Variants in CADM2 observed in about 807,000 individuals in gnomAD.
CADM2 encodes the protein immunoglobulin superfamily member 4D.
In CADM2, 12 loss-of-function variants were observed where a neutral mutation model predicts 49.8. The observed-to-expected ratio is 0.24, with a 90% CI of 0.15 to 0.39. The LOEUF (loss-of-function observed/expected upper bound fraction) is 0.39, where lower values mean the gene tolerates loss of function less well. Ranked by LOEUF, CADM2 falls within the 10% of genes least tolerant of loss-of-function variation. The pLI is 1.00. For synonymous variants in CADM2, 214 were observed against 175.4 expected (o/e 1.22, Z -1.74); for missense variants, 378 against 492.3 (o/e 0.77, Z 2.20).
intron 1 of CADM2, among the ~76,000 whole-genome samples, chr3:85,054,355 A>G (rs1271995832): frequency 1.3e-5 from 2 of 151,926 alleles, no homozygotes; most frequent in African/African-American, 4.8e-5. Context: ...TATAAGGCTT[A>G]TAGTAAATGA....
chr3:85,811,974 T>C (rs987731845), intron 3 of CADM2, among the ~76,000 whole-genome samples: 5 of 151,882 alleles, frequency 3.3e-5, no homozygotes, highest in South Asian at 2.1e-4. Flanking sequence ...GCATATTTGA[T>C]AGTTGAAAGA....
intron 1 of CADM2, among the ~76,000 whole-genome samples, chr3:85,552,366 G>GTGTTTTTTTTTT (rs2061828186): frequency 1.6e-4 from 14 of 87,576 alleles, no homozygotes; most frequent in Middle Eastern, 8.3e-3. Flanking sequence ...ACTTTGAAAA[G>GTGTTTTTTTTTT]TTTTTTTTTT....
chr3:85,107,703 CTTT>C (rs60535953), intron 1 of CADM2, among the ~76,000 whole-genome samples: 10 of 95,258 alleles, frequency 1.0e-4, no homozygotes, highest in Non-Finnish European at 1.9e-4. Context: ...CTTTCTCTTT[CTTT>C]TTTTTTTTTT....
At chr3:85,091,619 G>A (rs1401146294) in intron 1 of CADM2, among the ~76,000 whole-genome samples, 1 of 151,984 alleles carries the variant, frequency 6.6e-6, no homozygotes, top group East Asian at 1.9e-4. Flanking sequence ...TTAAAACTGA[G>A]CTGAACTAAG....
rs752550127 is a variant in CADM2, at chr3:85,897,241, C to CTTTTTTTTTTTTTTTT, written c.529+10938_529+10953dup. Among the ~76,000 whole-genome samples, 12 of 45,926 alleles carry CTTTTTTTTTTTTTTTT rather than the reference C, an allele frequency of 2.6e-4. 4 individuals carry two copies. Among genetic ancestry groups the CTTTTTTTTTTTTTTTT allele is most frequent in the African/African-American group, 5.4e-4 (8 of 14,948 alleles). 30.1% of individuals were successfully genotyped at this position (45,926 alleles called of 152,430 possible). ...CAACAATAATTGCTTTAACCTACATCTTTTTTTTTTTTTTTTTTTTTTTTT... is the reference window on the plus strand; with the variant it reads ...CAACAATAATTGCTTTAACCTACATCTTTTTTTTTTTTTTTTTTTTTTTTTTTTTTTTTTTTTTTTT... On this transcript the variant is annotated intron_variant, in intron 5 of 9. Coordinates refer to ENST00000383699, the MANE Select transcript of CADM2 (RefSeq NM_001167675.2).
intron 1 of CADM2, among the ~76,000 whole-genome samples, chr3:85,087,238 A>T (rs1022494377): frequency 2.0e-5 from 3 of 152,158 alleles, no homozygotes; most frequent in Non-Finnish European, 2.9e-5. Flanking sequence ...GGCTTTAGCT[A>T]CGTAATGCCA....
At chr3:85,412,202 G>A (rs2035686883) in intron 1 of CADM2, among the ~76,000 whole-genome samples, 1 of 152,114 alleles carries the variant, frequency 6.6e-6, no homozygotes, top group Admixed American at 6.5e-5. Context: ...TGGAAATGTG[G>A]ATCATGGGTA....
chr3:85,599,206 G>A (rs1297062049), intron 1 of CADM2, among the ~76,000 whole-genome samples: 3 of 151,896 alleles, frequency 2.0e-5, no homozygotes, highest in Non-Finnish European at 4.4e-5. Flanking sequence ...TTTACCCTTT[G>A]ATCGATACCT....
intron 1 of CADM2, among the ~76,000 whole-genome samples, chr3:85,372,839 C>T (rs2033349649): frequency 6.6e-6 from 1 of 152,058 alleles, no homozygotes; most frequent in Non-Finnish European, 1.5e-5. Flanking sequence ...GGGAATTGCC[C>T]TTCATAAAAC....
chr3:85,062,343 A>G (rs1466784998), intron 1 of CADM2, among the ~76,000 whole-genome samples: 2 of 152,112 alleles, frequency 1.3e-5, no homozygotes, highest in Non-Finnish European at 2.9e-5. Flanking sequence ...AAACAGATAA[A>G]TGAAAAACAA....
chr3:85,950,965 T>C (rs750442309), intron 7 of CADM2, among the ~76,000 whole-genome samples: 15 of 151,096 alleles, frequency 9.9e-5, no homozygotes, highest in Non-Finnish European at 2.2e-4. Context: ...TATTACTGCA[T>C]GAAAATGTCT....
intron 3 of CADM2, among the ~76,000 whole-genome samples, chr3:85,832,208 TG>T (rs2074217409): frequency 6.6e-6 from 1 of 152,040 alleles, no homozygotes; most frequent in Non-Finnish European, 1.5e-5. Flanking sequence ...TTTGCTGTTT[TG>T]GTTTCTGTAG....
chr3:85,210,834 C>T (rs1357379229), intron 1 of CADM2, among the ~76,000 whole-genome samples: 1 of 152,130 alleles, frequency 6.6e-6, no homozygotes, highest in East Asian at 1.9e-4. Flanking sequence ...AGGCACCACA[C>T]CAGCCAGAAT....
intron 8 of CADM2, among the ~76,000 whole-genome samples, chr3:86,021,146 TCCA>T (rs1559806171): frequency 6.6e-6 from 1 of 152,048 alleles, no homozygotes; most frequent in Non-Finnish European, 1.5e-5. Context: ...ATTACAGGCA[TCCA>T]CCACCACGCC....
intron 1 of CADM2, among the ~76,000 whole-genome samples, chr3:85,537,494 T>TTGTG (rs60728026): frequency 5.8e-5 from 5 of 85,578 alleles, no homozygotes; most frequent in Admixed American, 1.3e-4. Context: ...GCATGGTTGT[T>TTGTG]TGTGTGTGTG....
rs546817590 is a variant in CADM2, at chr3:85,425,711, G to A, written c.62-300811G>A. 7.2e-5 allele frequency among the ~76,000 whole-genome samples: 11 copies of A among 152,250 alleles called. No individual in the cohort carries two copies. In the South Asian group the frequency reaches 1.9e-3, roughly 26 times the overall value. On this transcript the variant is annotated intron_variant, in intron 1 of 9. Transcript: ENST00000383699. The stretch of plus-strand genomic sequence containing the variant: ...GTTGGGTTGATCAGATCCAACACCA[G>A]GTCTTGGGGGTGACAAAGTCCAGTG...
At chr3:86,042,498 T>C (rs6549068) in intron 8 of CADM2, among the ~76,000 whole-genome samples, 105,820 of 151,804 alleles carry the variant, frequency 0.7, 38,495 homozygotes, top group African/African-American at 0.92. Context: ...ATAAATTCCT[T>C]GACACATACA....
intron 8 of CADM2, among the ~76,000 whole-genome samples, chr3:85,965,374 C>A (rs1041456239): frequency 1.3e-4 from 19 of 150,188 alleles, no homozygotes; most frequent in African/African-American, 4.4e-4. Context: ...AATGGAATTA[C>A]TCAGCAAAGT....
In CADM2 at chr3:85,490,463, A is replaced by T. The variant is rs1490866387; in HGVS notation, c.62-236059A>T. Among the ~76,000 whole-genome samples the T allele has an allele frequency of 4.6e-5, 7 of 152,150 alleles. No individual in the cohort carries two copies. In the East Asian group the frequency reaches 1.3e-3, roughly 29 times the overall value. ...CCTGGGTGTGGTGGCTTACACCTAT[A>T]ATACTAGCAATTTGGGAGGCCAAGG... On this transcript the variant is annotated intron_variant, in intron 1 of 9. Transcript: ENST00000383699.
Sources: allele counts gnomAD v4.1 joint callset (sites outside exome capture counted in the v4.1 genomes callset), GRCh38; gene constraint gnomAD v4.1.1; transcripts MANE v1.5; gene names NCBI Gene and HGNC (gene_info 2026-07-23, HGNC 2026-07-21).